The following PAK5 variants were observed in gnomAD, a reference collection of about 807,000 sequenced individuals.
The protein encoded by PAK5 is serine/threonine-protein kinase PAK 5.
A neutral mutation model predicts 65.9 loss-of-function variants in PAK5; 16 were observed. The ratio of observed to expected loss-of-function variants is 0.24; its 90% CI spans 0.16 to 0.37. PAK5 has a LOEUF of 0.37. Among genes scored for constraint, PAK5 ranks in the 10% least tolerant of loss-of-function variants. The probability of loss-of-function intolerance (pLI) is 1.00; values close to 1 mark genes in which losing one functional copy is unlikely to be tolerated. For missense variants in PAK5, 785 were observed against 903.9 expected (o/e 0.87, Z 1.69); for synonymous variants, 371 against 354.9 (o/e 1.05, Z -0.51).
chr20:9,733,240 G>T (rs903392855), intron 1 of PAK5, among the ~76,000 whole-genome samples: 2 of 152,130 alleles, frequency 1.3e-5, no homozygotes, highest in Non-Finnish European at 2.9e-5. Context: ...TTCTTTGAAG[G>T]CAGTGAATAT....
intron 1 of PAK5, among the ~76,000 whole-genome samples, chr20:9,819,531 T>G (rs554960324): frequency 3.2e-4 from 48 of 152,348 alleles, no homozygotes; most frequent in Non-Finnish European, 5.7e-4. Flanking sequence ...TATTGCTCAA[T>G]TTTACTTTTA....
intron 1 of PAK5, among the ~76,000 whole-genome samples, chr20:9,739,151 C>G (rs2123578806): frequency 6.6e-6 from 1 of 152,084 alleles, no homozygotes; most frequent in East Asian, 1.9e-4. Context: ...CAAAGTCTCT[C>G]AAATATCATG....
At chr20:9,826,215 G>A (rs1479456918) in intron 1 of PAK5, among the ~76,000 whole-genome samples, 2 of 139,908 alleles carry the variant, frequency 1.4e-5, no homozygotes, top group Non-Finnish European at 3.0e-5. Flanking sequence ...TTTTTTCTGG[G>A]AAATTTCACA....
intron 2 of PAK5, among the ~76,000 whole-genome samples, chr20:9,705,017 A>G (rs2047988177): frequency 2.0e-5 from 3 of 152,234 alleles, no homozygotes; most frequent in Admixed American, 2.0e-4. Context: ...GGCAAGAGGT[A>G]GTTTTATGTC....
chr20:9,822,317 A>G (rs1316801783), intron 1 of PAK5, among the ~76,000 whole-genome samples: 1 of 150,480 alleles, frequency 6.6e-6, no homozygotes, highest in Non-Finnish European at 1.5e-5. Context: ...AAGCAATTAC[A>G]TTACATTACA....
At chr20:9,652,394 G>A (rs1406063990) in intron 2 of PAK5, among the ~76,000 whole-genome samples, 1 of 152,046 alleles carries the variant, frequency 6.6e-6, no homozygotes, top group East Asian at 1.9e-4. Flanking sequence ...TAAAAATCTT[G>A]GGATGGGTTC....
chr20:9,689,924 G>A (rs898267715), intron 2 of PAK5, among the ~76,000 whole-genome samples: 3 of 152,226 alleles, frequency 2.0e-5, no homozygotes, highest in Admixed American at 6.5e-5. Context: ...GCAGGCATCA[G>A]AGCTCATAAG....
intron 2 of PAK5, among the ~76,000 whole-genome samples, chr20:9,684,087 A>G (rs921292106): frequency 1.1e-4 from 16 of 152,206 alleles, no homozygotes; most frequent in African/African-American, 3.4e-4. Flanking sequence ...TGGACTATGA[A>G]GTGAATAAGA....
chr20:9,703,752 C>A (rs1019336339), intron 2 of PAK5, among the ~76,000 whole-genome samples: 1 of 152,042 alleles, frequency 6.6e-6, no homozygotes, highest in Non-Finnish European at 1.5e-5. Context: ...TATATCCCCC[C>A]CTCCACTCTA....
chr20:9,637,795 G>C (rs557732789), intron 3 of PAK5, among the ~76,000 whole-genome samples: 1 of 152,150 alleles, frequency 6.6e-6, no homozygotes, highest in African/African-American at 2.4e-5. Flanking sequence ...AATTCTACCT[G>C]AAAATTAAAA....
At chr20:9,714,918 G>A (rs1350428272) in intron 1 of PAK5, among the ~76,000 whole-genome samples, 1 of 152,158 alleles carries the variant, frequency 6.6e-6, no homozygotes, top group African/African-American at 2.4e-5. Context: ...GGACTTAAAT[G>A]TTAGACCTAA....
chr20:9,563,088 C>G (rs2045617369), intron 5 of PAK5, 64 bp from the exon 6 acceptor site: 1 of 1,421,212 alleles, frequency 7.0e-7, no homozygotes, highest in Non-Finnish European at 9.9e-7. Context: ...TCTCTTGTGG[C>G]CACAACTACA....
chr20:9,573,456 CA>C lies in PAK5; in HGVS notation c.990+6688del, dbSNP rs370731133. The stretch of plus-strand genomic sequence containing the variant: ...GGGGCATAAAACTCCACACAGCTAT[CA>C]ATTGCTCCGATTACAGCTGGTTGTC... On this transcript the variant is annotated intron_variant, in intron 4 of 9. Transcript: ENST00000353224. Among the ~76,000 whole-genome samples, 199 of 152,302 alleles carry C rather than the reference CA, an allele frequency of 1.3e-3. 2 individuals carry two copies. In the East Asian group the frequency reaches 0.033, roughly 26 times the overall value.
At chr20:9,616,447 T>C (rs1415108549) in intron 3 of PAK5, among the ~76,000 whole-genome samples, 5 of 152,234 alleles carry the variant, frequency 3.3e-5, no homozygotes, top group African/African-American at 9.6e-5. Context: ...AAGTAGCATG[T>C]TGGGAAGGGA....
At chr20:9,702,863 C>A (rs1395588917) in intron 2 of PAK5, among the ~76,000 whole-genome samples, 1 of 152,130 alleles carries the variant, frequency 6.6e-6, no homozygotes, top group African/African-American at 2.4e-5. Context: ...GCCTCATGAT[C>A]CCAGCAATAT....
chr20:9,547,003 AAG>A (rs2045355012), intron 7 of PAK5, among the ~76,000 whole-genome samples: 1 of 152,188 alleles, frequency 6.6e-6, no homozygotes, highest in South Asian at 2.1e-4. Flanking sequence ...TCTTATTTGG[AAG>A]AGTCTTTGCA....
In PAK5 at chr20:9,538,655, G is replaced by A. The variant is rs952643205; in HGVS notation, c.*807C>T. The A allele has an allele frequency of 1.3e-5, 3 of 233,146 alleles. No individual in the cohort carries two copies. Among genetic ancestry groups the A allele is most frequent in the Admixed American group, 5.6e-5 (1 of 17,764 alleles). The allele number at this position is 233,146 out of a possible 1,614,324, so 14.4% of individuals were successfully genotyped here. A position where few individuals can be genotyped will look rare whatever the true frequency, so the allele number is the denominator to read the frequency against. ...ATGGTTTGCTACTAGAGGCGTTCAT[G>A]GAAAATGTGATCTTTAAAAATATTT... is the stretch of plus-strand genomic sequence containing the variant. On this transcript the variant is annotated 3_prime_UTR_variant, in exon 10 of 10. Coordinates refer to ENST00000353224, the MANE Select transcript of PAK5 (RefSeq NM_177990.4).
intron 2 of PAK5, among the ~76,000 whole-genome samples, chr20:9,673,350 C>T (rs370201264): frequency 6.6e-5 from 10 of 152,126 alleles, no homozygotes; most frequent in African/African-American, 2.4e-4. Context: ...TAAATAGGTG[C>T]ATTCCAAGAG....
Position 9,537,505 on chromosome 20 carries a change from C to T in PAK5, c.*1957G>A, listed in dbSNP as rs1287360728. ...AACTCAATGAATACTTTAAAAAATA[C>T]CCGATGGTAAGAAAATTACAGAAAA... On this transcript the variant is annotated 3_prime_UTR_variant, in exon 10 of 10. Transcript: ENST00000353224. The T allele has an allele frequency of 1.4e-5, 3 of 211,074 alleles. No homozygotes were observed. Among genetic ancestry groups the T allele is most frequent in the African/African-American group, 2.3e-5 (1 of 44,032 alleles). 13.1% of individuals were successfully genotyped at this position (211,074 alleles called of 1,614,324 possible). A position where few individuals can be genotyped will look rare whatever the true frequency, so the allele number is the denominator to read the frequency against.
Sources: gnomAD v4.1 joint callset for allele counts (sites outside exome capture counted in the v4.1 genomes callset) on GRCh38, gnomAD v4.1.1 for gene constraint, MANE v1.5 for transcripts, NCBI Gene and HGNC (gene_info 2026-07-23, HGNC 2026-07-21) for gene names.